Variants in RGS7 observed in about 807,000 individuals in gnomAD.
The protein encoded by RGS7 is regulator of G protein signaling 7, also known as regulator of G-protein signaling 7.
RGS7 carries 27 observed loss-of-function variants against 81.1 expected under a neutral mutation model. The observed-to-expected ratio is 0.33, with a 90% CI of 0.25 to 0.46. RGS7 has a LOEUF of 0.46. RGS7 is among the 20% of genes least tolerant of loss of function. RGS7 has a pLI of 1.00. For synonymous variants in RGS7, 208 were observed against 207.7 expected (o/e 1.00, Z -0.01); for missense variants, 396 against 607.4 (o/e 0.65, Z 3.66).
At chr1:241,218,999 G>T (rs934017881) in intron 2 of RGS7, among the ~76,000 whole-genome samples, 5 of 152,112 alleles carry the variant, frequency 3.3e-5, no homozygotes, top group Admixed American at 2.6e-4. Context: ...AGCAGGAAAG[G>T]CATTAAGTGC....
At chr1:240,903,345 G>T (rs563188849) in intron 6 of RGS7, among the ~76,000 whole-genome samples, 3 of 152,166 alleles carry the variant, frequency 2.0e-5, no homozygotes, top group East Asian at 3.9e-4. Flanking sequence ...TGAAGGAACA[G>T]AATTTTTAAT....
At chr1:241,172,521 C>A (rs2070807234) in intron 2 of RGS7, among the ~76,000 whole-genome samples, 1 of 151,946 alleles carries the variant, frequency 6.6e-6, no homozygotes, top group Non-Finnish European at 1.5e-5. Flanking sequence ...CAGACTAAAC[C>A]AAGATACCAT....
In RGS7 at chr1:240,800,638, T is replaced by C. The variant is rs1444193926; in HGVS notation, c.*6+3A>G. The C allele has an allele frequency of 5.2e-6, 8 of 1,534,172 alleles. No individual in the cohort carries two copies. The highest frequency in any genetic ancestry group is 1.2e-5 in the South Asian group (1 of 82,860). The stretch of plus-strand genomic sequence containing the variant: ...ACTTGAGTATAAACCAAGATTTTTC[T>C]ACCTCTTTTCATAACAGGTTAGTGC... On this transcript the variant is annotated splice_donor_region_variant and intron_variant, in intron 18 of 18. Transcript: ENST00000440928.
At chr1:240,973,676 G>A (rs1419348837) in intron 4 of RGS7, among the ~76,000 whole-genome samples, 4 of 151,804 alleles carry the variant, frequency 2.6e-5, no homozygotes, top group African/African-American at 7.3e-5. Context: ...TGCAAGCTCC[G>A]CCTTCTGGGT....
intron 4 of RGS7, among the ~76,000 whole-genome samples, chr1:240,971,800 G>A (rs1018355350): frequency 2.0e-5 from 3 of 152,160 alleles, no homozygotes; most frequent in South Asian, 4.1e-4. Context: ...GCACTGGAAC[G>A]ATAATAAAGC....
Position 241,051,753 on chromosome 1 carries a change from G to A in RGS7, c.175+46913C>T, listed in dbSNP as rs996100663. ...GCATTTGCTTGCATCAACAGATAACGGCTAACTTGCATTGAGTGTTTCTCT... is the reference window on the plus strand; with the variant it reads ...GCATTTGCTTGCATCAACAGATAACAGCTAACTTGCATTGAGTGTTTCTCT... On this transcript the variant is annotated intron_variant, in intron 3 of 18. Transcript: ENST00000440928. 1.4e-4 allele frequency among the ~76,000 whole-genome samples: 21 copies of A among 152,110 alleles called. 1 individual carries two copies. Among genetic ancestry groups the A allele is most frequent in the South Asian group, 6.2e-4 (3 of 4,824 alleles).
chr1:240,827,086 TGAC>T lies in RGS7; in HGVS notation c.684+9_684+11del. On this transcript the variant is annotated intron_variant, in intron 10 of 18. Coordinates refer to ENST00000440928, the MANE Select transcript of RGS7 (RefSeq NM_001364886.1). ...CCATCACCAAGATCAGCACAACAAA[TGAC>T]AGTTTTACCTTCCGTGTTTTGTGGG... 6.2e-7 allele frequency: 1 copy of T among 1,605,554 alleles called. No homozygotes were observed. The highest frequency in any genetic ancestry group is 1.3e-5 in the African/African-American group (1 of 74,808).
chr1:241,254,366 T>C (rs372767728), intron 2 of RGS7, among the ~76,000 whole-genome samples: 1 of 152,286 alleles, frequency 6.6e-6, no homozygotes, highest in African/African-American at 2.4e-5. Flanking sequence ...ATTGGGATGC[T>C]AGAATACCAC....
chr1:241,057,720 C>G (rs1296731645), intron 3 of RGS7, among the ~76,000 whole-genome samples: 1 of 151,990 alleles, frequency 6.6e-6, no homozygotes, highest in Non-Finnish European at 1.5e-5. Context: ...TCGAGACCAG[C>G]CTAATATGGT....
intron 4 of RGS7, among the ~76,000 whole-genome samples, chr1:240,956,325 G>A (rs1680408249): frequency 6.8e-6 from 1 of 147,746 alleles, no homozygotes; most frequent in Non-Finnish European, 1.5e-5. Flanking sequence ...AAAAAAAATT[G>A]AATTAAGTAA....
chr1:241,022,695 A>C (rs2059600446), intron 3 of RGS7, among the ~76,000 whole-genome samples: 1 of 152,136 alleles, frequency 6.6e-6, no homozygotes. Context: ...CTGATCCCTG[A>C]GTTTTCAGGA....
chr1:241,296,344 C>G (rs1259508179), intron 2 of RGS7, among the ~76,000 whole-genome samples: 1 of 152,130 alleles, frequency 6.6e-6, no homozygotes, highest in African/African-American at 2.4e-5. Flanking sequence ...AAACAAACAC[C>G]AACAAGAGAG....
chr1:240,956,686 G>T (rs1317272684), intron 4 of RGS7, among the ~76,000 whole-genome samples: 1 of 152,060 alleles, frequency 6.6e-6, no homozygotes, highest in African/African-American at 2.4e-5. Flanking sequence ...TTAACTGAAA[G>T]AAGCCACTCT....
chr1:241,268,051 G>A (rs923853993), intron 2 of RGS7, among the ~76,000 whole-genome samples: 2 of 152,166 alleles, frequency 1.3e-5, no homozygotes, highest in Admixed American at 6.5e-5. Context: ...CCGGACCGTT[G>A]AGCACACTAG....
intron 2 of RGS7, among the ~76,000 whole-genome samples, chr1:241,209,494 C>A (rs1265330788): frequency 6.6e-6 from 1 of 152,068 alleles, no homozygotes; most frequent in Admixed American, 6.6e-5. Flanking sequence ...GTAGGTAGCA[C>A]TTATCAAGAG....
chr1:241,047,733 CTTTTTT>C (rs34738551), intron 3 of RGS7, among the ~76,000 whole-genome samples: 1 of 89,514 alleles, frequency 1.1e-5, no homozygotes, highest in African/African-American at 4.6e-5. Flanking sequence ...GTTTACAATC[CTTTTTT>C]TTTTTTTTTT....
chr1:240,872,821 G>A (rs1664728528), intron 6 of RGS7, among the ~76,000 whole-genome samples: 3 of 152,200 alleles, frequency 2.0e-5, no homozygotes, highest in Admixed American at 6.5e-5. Context: ...GCTCATGCCT[G>A]TAATCCCAGC....
At chr1:241,041,418 T>A (rs988464579) in intron 3 of RGS7, among the ~76,000 whole-genome samples, 1 of 152,158 alleles carries the variant, frequency 6.6e-6, no homozygotes, top group Non-Finnish European at 1.5e-5. Context: ...CGCAAAAGCT[T>A]GTCTGTACTT....
chr1:241,287,267 C>T (rs1050241837), intron 2 of RGS7, among the ~76,000 whole-genome samples: 10 of 152,282 alleles, frequency 6.6e-5, no homozygotes, highest in Admixed American at 2.0e-4. Flanking sequence ...CCACCCAAAT[C>T]TCATCTTGAA....
Sources: allele counts gnomAD v4.1 joint callset (sites outside exome capture counted in the v4.1 genomes callset), GRCh38; gene constraint gnomAD v4.1.1; transcripts MANE v1.5; gene names NCBI Gene and HGNC (gene_info 2026-07-23, HGNC 2026-07-21).